Variants in PICALM observed in about 807,000 individuals in gnomAD.
PICALM encodes the protein phosphatidylinositol-binding clathrin assembly protein.
In PICALM, 40 loss-of-function variants were observed where a neutral mutation model predicts 80.5. The observed-to-expected ratio is 0.50, with a 90% CI of 0.39 to 0.65. PICALM has a LOEUF of 0.65. PICALM is among the 30% of genes least tolerant of loss of function. PICALM has a pLI of 0.00. For missense variants in PICALM, 676 were observed against 778.9 expected (o/e 0.87, Z 1.57); for synonymous variants, 288 against 260.3 (o/e 1.11, Z -1.02).
At chr11:85,988,581 G>A (rs2094655046) in intron 13 of PICALM, among the ~76,000 whole-genome samples, 1 of 151,972 alleles carries the variant, frequency 6.6e-6, no homozygotes, top group Admixed American at 6.6e-5. Context: ...AGGCAGGAAG[G>A]CAGGAAAGGA....
intron 1 of PICALM, among the ~76,000 whole-genome samples, chr11:86,040,176 C>G (rs984570843): frequency 6.6e-6 from 1 of 151,778 alleles, no homozygotes; most frequent in African/African-American, 2.4e-5. Context: ...AAAGATCTTA[C>G]ACAAAAGGAA....
chr11:85,997,454 CTATT>C, intron 11 of PICALM, among the ~76,000 whole-genome samples: 1 of 152,230 alleles, frequency 6.6e-6, no homozygotes, highest in East Asian at 1.9e-4. Context: ...ACACAACACA[CTATT>C]TACATGATAT....
chr11:86,003,645 T>C, intron 8 of PICALM, 194 bp from the exon 9 acceptor site: 1 of 386,944 alleles, frequency 2.6e-6, no homozygotes, highest in Non-Finnish European at 4.6e-6. Flanking sequence ...GTTGGAGATA[T>C]TAAGAAACAT....
At chr11:86,018,281 A>G (rs2095511042) in intron 4 of PICALM, among the ~76,000 whole-genome samples, 1 of 152,228 alleles carries the variant, frequency 6.6e-6, no homozygotes, top group Non-Finnish European at 1.5e-5. Flanking sequence ...TGTGCTCAAT[A>G]TCACCATTTA....
At chr11:85,998,899 C>G (rs561864174) in intron 11 of PICALM, among the ~76,000 whole-genome samples, 2 of 152,178 alleles carry the variant, frequency 1.3e-5, no homozygotes, top group Non-Finnish European at 2.9e-5. Flanking sequence ...GCTGGGACAA[C>G]AGGCACACGC....
At chr11:85,964,203 G>GA (rs1180841610) in intron 19 of PICALM, among the ~76,000 whole-genome samples, 2 of 151,974 alleles carry the variant, frequency 1.3e-5, no homozygotes, top group Non-Finnish European at 2.9e-5. Flanking sequence ...GGATATTTAG[G>GA]AAAAAACTTG....
At chr11:86,055,621 G>A (rs113564674) in intron 1 of PICALM, among the ~76,000 whole-genome samples, 1 of 151,786 alleles carries the variant, frequency 6.6e-6, no homozygotes, top group African/African-American at 2.4e-5. Flanking sequence ...AGGTAGTAGA[G>A]TTGTATTCCA....
chr11:86,047,262 C>T (rs558720248), intron 1 of PICALM, among the ~76,000 whole-genome samples: 2 of 152,326 alleles, frequency 1.3e-5, no homozygotes, highest in African/African-American at 4.8e-5. Context: ...GTGTTTAGTT[C>T]TCACAAATCT....
chr11:85,980,821 C>T (rs894074540), intron 17 of PICALM, among the ~76,000 whole-genome samples: 5 of 152,098 alleles, frequency 3.3e-5, no homozygotes, highest in African/African-American at 1.2e-4. Context: ...TCTGAGCCTC[C>T]ACTTCCTCAT....
At chr11:86,010,939 T>C in intron 7 of PICALM, 91 bp downstream of exon 7, 1 of 668,604 alleles carries the variant, frequency 1.5e-6, no homozygotes, top group East Asian at 2.8e-5. Context: ...TTGAAGACAT[T>C]TATTTTATTT....
chr11:86,031,338 T>C (rs535031448), intron 2 of PICALM, 131 bp downstream of exon 2: 1 of 652,150 alleles, frequency 1.5e-6, no homozygotes, highest in African/African-American at 1.8e-5. Flanking sequence ...AATTACAGGG[T>C]CTATAATTAT....
At chr11:86,017,360 C>G (rs1419431157) in intron 4 of PICALM, among the ~76,000 whole-genome samples, 1 of 152,072 alleles carries the variant, frequency 6.6e-6, no homozygotes, top group Non-Finnish European at 1.5e-5. Flanking sequence ...GCTCACTGAG[C>G]TTGCTTGAAA....
intron 19 of PICALM, among the ~76,000 whole-genome samples, chr11:85,963,815 G>A (rs140334432): frequency 6.6e-6 from 1 of 151,848 alleles, no homozygotes; most frequent in Non-Finnish European, 1.5e-5. Flanking sequence ...GTAGTGTAGT[G>A]GCGCAGTCAC....
At chr11:86,055,071 C>G (rs2096248784) in intron 1 of PICALM, among the ~76,000 whole-genome samples, 1 of 151,992 alleles carries the variant, frequency 6.6e-6, no homozygotes. Context: ...TGGCTAATGC[C>G]TGTAATCTCA....
chr11:86,037,434 A>G (rs552652028), intron 1 of PICALM, among the ~76,000 whole-genome samples: 5 of 150,454 alleles, frequency 3.3e-5, no homozygotes, highest in African/African-American at 4.9e-5. Flanking sequence ...TAATTTTTGT[A>G]TTTTTAGTAG....
At position 86,038,218 on chromosome 11, in the gene PICALM, GC is replaced by G. The variant is rs558780788; in HGVS notation, c.131-6608del. ...GCTTGTAATCCCAGCTACTTGGGAG[GC>G]TGACACAGGAGAATCGCTTGAACCC... On this transcript the variant is annotated intron_variant, in intron 1 of 19. Coordinates refer to ENST00000393346, the MANE Select transcript of PICALM (RefSeq NM_007166.4). 9.2e-5 allele frequency among the ~76,000 whole-genome samples: 14 copies of G among 152,226 alleles called. No homozygotes were observed. In the East Asian group the frequency reaches 2.7e-3, roughly 29 times the overall value.
intron 11 of PICALM, 33 bp downstream of exon 11, chr11:86,000,610 A>G: frequency 1.3e-6 from 2 of 1,572,340 alleles, no homozygotes; most frequent in Non-Finnish European, 1.7e-6. Context: ...TTGAACCTAC[A>G]TATTCAAAGG....
chr11:86,010,097 T>A (rs947530724), intron 7 of PICALM, among the ~76,000 whole-genome samples: 1 of 152,130 alleles, frequency 6.6e-6, no homozygotes, highest in African/African-American at 2.4e-5. Context: ...AAATCTTTGG[T>A]GGAGATGGGT....
At chr11:86,018,042 A>T (rs1055305680) in intron 4 of PICALM, among the ~76,000 whole-genome samples, 2 of 152,158 alleles carry the variant, frequency 1.3e-5, no homozygotes, top group East Asian at 3.9e-4. Context: ...TTTTAAAGTA[A>T]TATTATTTTT....
Sources: gnomAD v4.1 joint callset for allele counts (sites outside exome capture counted in the v4.1 genomes callset) on GRCh38, gnomAD v4.1.1 for gene constraint, MANE v1.5 for transcripts, NCBI Gene and HGNC (gene_info 2026-07-23, HGNC 2026-07-21) for gene names.